Variants in SHOX observed in about 807,000 individuals in gnomAD.
SHOX encodes SHOX homeobox, also known as short stature homeobox protein.
A neutral mutation model predicts 29.6 loss-of-function variants in SHOX; 12 were observed. The ratio of observed to expected loss-of-function variants is 0.41; its 90% CI spans 0.26 to 0.66. The LOEUF (loss-of-function observed/expected upper bound fraction) is 0.66, where lower values mean the gene tolerates loss of function less well. Among genes scored for constraint, SHOX ranks in the 30% least tolerant of loss-of-function variants. SHOX has a pLI of 0.35. For synonymous variants in SHOX, 214 were observed against 200.6 expected (o/e 1.07, Z -0.57); for missense variants, 499 against 437.7 (o/e 1.14, Z -1.25).
At chrX:655,628 A>C (rs1207883186), downstream of SHOX, among the ~76,000 whole-genome samples, 68 of 35,750 alleles carry the variant, frequency 1.9e-3, no homozygotes, top group East Asian at 0.013. Flanking sequence ...ATATATATAT[A>C]TATATATATA....
rs367787242 is a variant in SHOX, at chrX:634,751, C to G, written c.411C>G (p.Asp137Glu). 12 of 1,611,740 alleles carry G rather than the reference C, an allele frequency of 7.4e-6. No individual in the cohort carries two copies. Among genetic ancestry groups the G allele is most frequent in the Admixed American group, 3.4e-5 (2 of 59,584 alleles). ...TGAACGAGCTCGAGCGACTCTTCGA[C>G]GAGACCCATTACCCCGACGCCTTCA... ...EQLNELERLF[D>E]ETHYPDAFMR... The change falls in exon 2 of 5, where the codon GAC becomes GAG. Residue 137 changes from aspartate (D) to glutamate (E), a missense_variant. Transcript: ENST00000686671.
chrX:631,398 G>C (rs1399279497), intron 1 of SHOX, among the ~76,000 whole-genome samples: 1 of 152,220 alleles, frequency 6.6e-6, no homozygotes, highest in African/African-American at 2.4e-5. Context: ...GACCCAGGGA[G>C]GGTCGCAGCG....
chrX:652,138 T>G (rs2053076053), downstream of SHOX, among the ~76,000 whole-genome samples: 1 of 152,106 alleles, frequency 6.6e-6, no homozygotes, highest in African/African-American at 2.4e-5. Flanking sequence ...TTGGTCAGGC[T>G]GGTCTCGAAC....
At position 650,802 on chromosome X, in the gene SHOX, A is replaced by C. The variant is rs866780237; in HGVS notation, c.*6166A>C. ...GGACACGTTTGACATTAAAAAAAAAAAAAAAAAAAAAAAAAAACTGGTGCC... is the reference window on the plus strand; with the variant it reads ...GGACACGTTTGACATTAAAAAAAAACAAAAAAAAAAAAAAAAACTGGTGCC... On this transcript the variant is annotated 3_prime_UTR_variant, in exon 5 of 5. Coordinates refer to ENST00000686671, the MANE Select transcript of SHOX (RefSeq NM_000451.4). Among the ~76,000 whole-genome samples the C allele has an allele frequency of 8.3e-3, 1,164 of 140,456 alleles. 14 individuals carry two copies. The highest frequency in any genetic ancestry group is 0.012 in the Non-Finnish European group (772 of 63,088). 92.1% of individuals were successfully genotyped at this position (140,456 alleles called of 152,430 possible).
At chrX:658,360 T>C (rs1603292194) in intron 5 of SHOX, among the ~76,000 whole-genome samples, 2 of 152,282 alleles carry the variant, frequency 1.3e-5, no homozygotes, top group Admixed American at 1.3e-4. Context: ...GTATGGGTTT[T>C]AGAGTTGTAA....
intron 2 of SHOX, among the ~76,000 whole-genome samples, chrX:635,484 G>A (rs994566162): frequency 1.3e-5 from 2 of 152,090 alleles, no homozygotes; most frequent in African/African-American, 4.8e-5. Context: ...CCCCTCTCCA[G>A]CCCTGTCCTC....
intron 1 of SHOX, 31 bp downstream of exon 1, chrX:631,205 G>A (rs1185123776): frequency 6.2e-7 from 1 of 1,611,404 alleles, no homozygotes; most frequent in African/African-American, 1.3e-5. Flanking sequence ...GCTCCAGGGG[G>A]GCCCTCCTGG....
At chrX:631,251 G>A (rs2052643891) in intron 1 of SHOX, 77 bp downstream of exon 1, 5 of 1,552,786 alleles carry the variant, frequency 3.2e-6, no homozygotes, top group Non-Finnish European at 3.5e-6. Context: ...TCGGCCCCGC[G>A]CGCCCCTCGC....
intron 1 of SHOX, among the ~76,000 whole-genome samples, chrX:631,530 TTTTGTTTG>T (rs771180677): frequency 2.0e-5 from 3 of 150,870 alleles, no homozygotes; most frequent in Non-Finnish European, 4.4e-5. Flanking sequence ...CCTTTCCTTT[TTTTGTTTG>T]TTTGTTTGTT....
chrX:639,653 T>G (rs771505441), intron 2 of SHOX, among the ~76,000 whole-genome samples: 1 of 152,306 alleles, frequency 6.6e-6, no homozygotes, highest in East Asian at 1.9e-4. Context: ...TCACCTTAAG[T>G]TCATCAGCGG....
chrX:628,405 C>G (rs1160485533), upstream of SHOX, among the ~76,000 whole-genome samples: 5 of 149,304 alleles, frequency 3.3e-5, no homozygotes, highest in African/African-American at 1.2e-4. Context: ...CTCCCTTTCT[C>G]TCTCTCTGTC....
chrX:636,784 T>A (rs1006633292), intron 2 of SHOX, among the ~76,000 whole-genome samples: 5 of 143,452 alleles, frequency 3.5e-5, no homozygotes, highest in African/African-American at 1.3e-4. Context: ...TATATATACA[T>A]ATAAAAATAT....
chrX:644,563 G>A lies in SHOX; in HGVS notation c.806G>A (p.Ser269Asn). The A allele has an allele frequency of 6.6e-7, 1 of 1,517,820 alleles. No homozygotes were observed. The highest frequency in any genetic ancestry group is 8.8e-7 in the Non-Finnish European group (1 of 1,139,504). 94.0% of individuals were successfully genotyped at this position (1,517,820 alleles called of 1,614,324 possible). Reference sequence around the variant, plus strand: ...GCCGTGGTCGCCGCCGCCGCCAAAAGCAACAGCAAGAATTCCAGCATCGCC... The same window carrying A: ...GCCGTGGTCGCCGCCGCCGCCAAAAACAACAGCAAGAATTCCAGCATCGCC... ...AAAVVAAAAK[S>N]NSKNSSIADL... The change falls in exon 5 of 5, where the codon AGC becomes AAC. Residue 269 changes from serine (S) to asparagine (N), a missense_variant. Coordinates refer to ENST00000686671, the MANE Select transcript of SHOX (RefSeq NM_000451.4).
chrX:650,678 C>T lies in SHOX; in HGVS notation c.*6042C>T, dbSNP rs1359405338. Among the ~76,000 whole-genome samples, 3 of 151,216 alleles carry T rather than the reference C, an allele frequency of 2.0e-5. No individual in the cohort carries two copies. Among genetic ancestry groups the T allele is most frequent in the Non-Finnish European group, 4.4e-5 (3 of 67,894 alleles). On this transcript the variant is annotated 3_prime_UTR_variant, in exon 5 of 5. Coordinates refer to ENST00000686671, the MANE Select transcript of SHOX (RefSeq NM_000451.4). ...CCGGGGACATAGCGAGGATGGCACA[C>T]GGCAGCCACTCCCACGACACACATT...
In SHOX at chrX:638,166, CG is replaced by C. The variant is rs1206936128; in HGVS notation, c.487-2652del. Among the ~76,000 whole-genome samples, 4 of 152,098 alleles carry C rather than the reference CG, an allele frequency of 2.6e-5. No homozygotes were observed. In the South Asian group the frequency reaches 8.3e-4, roughly 32 times the overall value. ...TGTCACACACTTCACTTACCATATT[CG>C]GGCCTAATTGGAATGGATCGTGAAT... On this transcript the variant is annotated intron_variant, in intron 2 of 4. Coordinates refer to ENST00000686671, the MANE Select transcript of SHOX (RefSeq NM_000451.4).
downstream of SHOX, among the ~76,000 whole-genome samples, chrX:653,865 C>T (rs1221103497): frequency 1.3e-5 from 2 of 152,020 alleles, no homozygotes; most frequent in Non-Finnish European, 2.9e-5. Context: ...AGCAAAAACA[C>T]TGACCAAACA....
chrX:631,415 G>A (rs1245683796), intron 1 of SHOX, among the ~76,000 whole-genome samples: 3 of 152,236 alleles, frequency 2.0e-5, no homozygotes, highest in African/African-American at 4.8e-5. Flanking sequence ...AGCGGGGGCC[G>A]CGCGCGTGGG....
intron 1 of SHOX, among the ~76,000 whole-genome samples, chrX:625,780 GTC>G (rs1254276119): frequency 2.5e-5 from 3 of 120,408 alleles, no homozygotes; most frequent in African/African-American, 9.6e-5. Flanking sequence ...GTCTGTCTCT[GTC>G]TCTCTTTCTC....
At chrX:625,532 T>G (rs2052508653) in intron 1 of SHOX, among the ~76,000 whole-genome samples, 2 of 151,848 alleles carry the variant, frequency 1.3e-5, no homozygotes, top group Admixed American at 1.3e-4. Context: ...TCTCTGTATC[T>G]CTGTCTCTCT....
Sources: allele counts gnomAD v4.1 joint callset (sites outside exome capture counted in the v4.1 genomes callset), GRCh38; gene constraint gnomAD v4.1.1; transcripts MANE v1.5; gene names NCBI Gene and HGNC (gene_info 2026-07-23, HGNC 2026-07-21).